CD5L: variants seen among roughly 807,000 people sequenced by gnomAD.
The protein encoded by CD5L is CD5 antigen-like.
Under a neutral mutation model 40.8 loss-of-function variants are expected in CD5L, and 39 were observed. That is an observed-to-expected ratio of 0.96 (90% CI 0.74 to 1.25). The LOEUF is 1.25. Ranked by LOEUF, CD5L falls within the 50% of genes most tolerant of loss-of-function variation. The pLI, the probability that CD5L is intolerant of heterozygous loss-of-function variation, is 0.00. For synonymous variants in CD5L, 192 were observed against 169.6 expected (o/e 1.13, Z -1.03); for missense variants, 433 against 435.9 (o/e 0.99, Z 0.06).
intron 4 of CD5L, 97 bp from the exon 5 acceptor site, chr1:157,833,609 T>C: frequency 5.0e-6 from 5 of 999,772 alleles, no homozygotes; most frequent in Non-Finnish European, 7.2e-6. Flanking sequence ...TTTGTATTTT[T>C]TGTATGTTTG....
rs370653922 is a variant in CD5L, at chr1:157,835,827, A to G, written c.376+8T>C. 35 of 1,602,248 alleles carry G rather than the reference A, an allele frequency of 2.2e-5. No individual in the cohort carries two copies. In the African/African-American group the frequency reaches 2.4e-4, roughly 11 times the overall value. On this transcript the variant is annotated splice_region_variant and intron_variant, in intron 3 of 5. Transcript: ENST00000368174. ...TGGCAAGTGGTCCGGGACCCCTGCC[A>G]TACTCACTCTCACACGATGCCCCAG...
chr1:157,836,038 A>G lies in CD5L; in HGVS notation c.173T>C (p.Val58Ala). ...GCCCAGCTCCCGGCACAACACAGCC[A>G]CGTCCTTAATGTCCCAGCCGTCATC... ...VCDDGWDIKD[V>A]AVLCRELGCG... Residue 58 changes from valine to alanine, a missense_variant, in exon 3 of 6, where the codon GTG (valine) becomes GCG (alanine). Coordinates refer to ENST00000368174, the MANE Select transcript of CD5L (RefSeq NM_005894.3). The G allele has an allele frequency of 6.2e-7, 1 of 1,614,164 alleles. No individual in the cohort carries two copies. Among genetic ancestry groups the G allele is most frequent in the Admixed American group, 1.7e-5 (1 of 60,028 alleles).
intron 1 of CD5L, among the ~76,000 whole-genome samples, 160 bp downstream of exon 1, chr1:157,841,514 G>T (rs571360010): frequency 3.3e-5 from 5 of 152,160 alleles, no homozygotes; most frequent in African/African-American, 7.2e-5. Flanking sequence ...TGGATTAAGC[G>T]GCTTTTTAAG....
At chr1:157,832,160 G>A (rs751211963) in intron 5 of CD5L, among the ~76,000 whole-genome samples, 192 bp from the exon 6 acceptor site, 6 of 152,170 alleles carry the variant, frequency 3.9e-5, no homozygotes, top group Non-Finnish European at 7.3e-5. Context: ...TACTCAACTA[G>A]CTCCATGTGA....
intron 2 of CD5L, among the ~76,000 whole-genome samples, chr1:157,837,856 A>C (rs1244053136): frequency 6.7e-6 from 1 of 150,142 alleles, no homozygotes; most frequent in Non-Finnish European, 1.5e-5. Flanking sequence ...GCTCACTGCA[A>C]GCTTCGCCTC....
chr1:157,830,108 A>T (rs1301839005), downstream of CD5L, among the ~76,000 whole-genome samples: 1 of 152,234 alleles, frequency 6.6e-6, no homozygotes, highest in African/African-American at 2.4e-5. Flanking sequence ...GGATGCAGAA[A>T]CACACTCCAG....
chr1:157,831,689 C>A lies in CD5L; in HGVS notation c.*275G>T. 1.7e-6 allele frequency: 2 copies of A among 1,211,012 alleles called. No individual in the cohort carries two copies. The highest frequency in any genetic ancestry group is 1.0e-6 in the Non-Finnish European group (1 of 974,390). The allele number at this position is 1,211,012 out of a possible 1,614,324, so 75.0% of individuals were successfully genotyped here. ...CAGCTTGAGAAAAGGCAGGAAAGGCCAGAACCAGTGTCAAAGGGTCAGGGT... is the reference window on the plus strand; with the variant it reads ...CAGCTTGAGAAAAGGCAGGAAAGGCAAGAACCAGTGTCAAAGGGTCAGGGT... On this transcript the variant is annotated 3_prime_UTR_variant, in exon 6 of 6. Transcript: ENST00000368174.
At chr1:157,839,243 CT>C in intron 2 of CD5L, 140 bp downstream of exon 2, 1 of 802,988 alleles carries the variant, frequency 1.2e-6, no homozygotes. Context: ...CCACACAAGA[CT>C]GAGTGGGTGA....
Position 157,836,117 on chromosome 1 carries a change from G to A in CD5L, c.94C>T (p.Arg32Cys), listed in dbSNP as rs1307024327. Residue 32 changes from arginine (R) to cysteine (C), a missense_variant, in exon 3 of 6, where the codon CGC (arginine) becomes TGC (cysteine). By Grantham distance (180) the Arg-to-Cys change is radical (BLOSUM62 -3). Coordinates refer to ENST00000368174, the MANE Select transcript of CD5L (RefSeq NM_005894.3). ...TCCACCTCCACCCGCCCTTCACAGC[G>A]GTGGAGGCCCCCCACCAGCCGCACT... The part of the protein sequence containing the change: ...SGVRLVGGLH[R>C]CEGRVEVEQK... 8.1e-6 allele frequency: 13 copies of A among 1,613,454 alleles called. No homozygotes were observed. Among genetic ancestry groups the A allele is most frequent in the African/African-American group, 4.0e-5 (3 of 74,884 alleles).
At chr1:157,837,887 T>C (rs1656263889) in intron 2 of CD5L, among the ~76,000 whole-genome samples, 1 of 151,168 alleles carries the variant, frequency 6.6e-6, no homozygotes, top group African/African-American at 2.4e-5. Context: ...ACCATTCTCC[T>C]GCCTCAGCCT....
Position 157,836,024 on chromosome 1 carries a change from G to T in CD5L, c.187C>A (p.Arg63=). Residue 63 remains arginine, a synonymous_variant, in exon 3 of 6, where the codon CGG becomes AGG. Transcript: ENST00000368174. The part of the protein sequence containing the change: ...WDIKDVAVLC[R]ELGCGAASGT... Reference sequence around the variant, plus strand: ...CTGGCAGCTCCACAGCCCAGCTCCCGGCACAACACAGCCACGTCCTTAATG... The same window carrying T: ...CTGGCAGCTCCACAGCCCAGCTCCCTGCACAACACAGCCACGTCCTTAATG... 6.2e-7 allele frequency: 1 copy of T among 1,614,104 alleles called. No individual in the cohort carries two copies. Among genetic ancestry groups the T allele is most frequent in the Non-Finnish European group, 8.5e-7 (1 of 1,180,030 alleles).
intron 1 of CD5L, among the ~76,000 whole-genome samples, chr1:157,839,653 C>T (rs538911464): frequency 1.3e-5 from 2 of 152,240 alleles, no homozygotes; most frequent in Admixed American, 6.5e-5. Context: ...TTTCTTCACA[C>T]GTGATGGTGG....
chr1:157,832,443 T>G (rs970975825), intron 5 of CD5L, among the ~76,000 whole-genome samples: 2 of 152,230 alleles, frequency 1.3e-5, no homozygotes, highest in Non-Finnish European at 2.9e-5. Context: ...AGTTAGTGGT[T>G]TAACCAAGTA....
intron 2 of CD5L, among the ~76,000 whole-genome samples, chr1:157,838,212 C>T (rs1356546869): frequency 6.6e-6 from 1 of 152,016 alleles, no homozygotes; most frequent in Non-Finnish European, 1.5e-5. Flanking sequence ...TAAAAGTTAA[C>T]CATAAAAAAT....
chr1:157,839,051 A>T (rs941823071), intron 2 of CD5L, among the ~76,000 whole-genome samples: 2 of 152,240 alleles, frequency 1.3e-5, no homozygotes, highest in African/African-American at 4.8e-5. Context: ...AACAGGAAGA[A>T]ACCAAAAGGA....
chr1:157,835,764 T>C, intron 3 of CD5L, 71 bp downstream of exon 3: 1 of 1,289,986 alleles, frequency 7.8e-7, no homozygotes, highest in South Asian at 1.3e-5. Context: ...TGGTAGGGAA[T>C]GAAGACCAAC....
Position 157,841,760 on chromosome 1 carries a change from A to C in CD5L, c.-59T>G. The stretch of plus-strand genomic sequence containing the variant: ...TAAGGCTAGAAGGAGGTCCCCAAGC[A>C]GCAATATTTAGTTTTAGCTGCAAGT... On this transcript the variant is annotated 5_prime_UTR_variant, in exon 1 of 6. Transcript: ENST00000368174. The C allele has an allele frequency of 6.8e-7, 1 of 1,473,092 alleles. No homozygotes were observed. The highest frequency in any genetic ancestry group is 9.5e-7 in the Non-Finnish European group (1 of 1,057,518). 91.3% of individuals were successfully genotyped at this position (1,473,092 alleles called of 1,614,324 possible).
At chr1:157,837,658 A>G (rs1053876290) in intron 2 of CD5L, among the ~76,000 whole-genome samples, 3 of 152,154 alleles carry the variant, frequency 2.0e-5, no homozygotes, top group African/African-American at 4.8e-5. Flanking sequence ...ATAGAACGTG[A>G]CTGCTGAGGA....
chr1:157,831,149 T>C lies in CD5L; in HGVS notation c.*815A>G, dbSNP rs889423570. On this transcript the variant is annotated 3_prime_UTR_variant, in exon 6 of 6. Coordinates refer to ENST00000368174, the MANE Select transcript of CD5L (RefSeq NM_005894.3). ...CACAACTTTAGCCCTCCCTGATCTC[T>C]TTCTGCCTCTTTCTTGACCTTTTCC... is the stretch of plus-strand genomic sequence containing the variant. 46 of 985,186 alleles carry C rather than the reference T, an allele frequency of 4.7e-5. No individual in the cohort carries two copies. The highest frequency in any genetic ancestry group is 5.4e-5 in the Non-Finnish European group (45 of 829,804). The allele number at this position is 985,186 out of a possible 1,614,324, so 61.0% of individuals were successfully genotyped here.
Sources: allele counts gnomAD v4.1 joint callset (sites outside exome capture counted in the v4.1 genomes callset), GRCh38; gene constraint gnomAD v4.1.1; transcripts MANE v1.5; gene names NCBI Gene and HGNC (gene_info 2026-07-23, HGNC 2026-07-21).